YWHAQ: variants seen among roughly 807,000 people sequenced by gnomAD.
YWHAQ encodes 14-3-3 protein theta.
In YWHAQ, 6 loss-of-function variants were observed where a neutral mutation model predicts 28.3. The observed-to-expected ratio is 0.21, with a 90% CI of 0.12 to 0.42. The LOEUF (loss-of-function observed/expected upper bound fraction) is 0.42. YWHAQ is among the 10% of genes least tolerant of loss of function. YWHAQ has a pLI of 1.00. For missense variants in YWHAQ, 201 were observed against 305.6 expected, an observed-to-expected ratio of 0.66 and a Z score of 2.55; for synonymous variants, 143 against 119.1, an observed-to-expected ratio of 1.20 and a Z score of -1.31.
chr2:9,584,195 A>G lies in YWHAQ; in HGVS notation c.*1091T>C, dbSNP rs1173639281. ...TTTTACATAAAAGGGAAGTATCAAT[A>G]AACTTTAGAAAGTAGTAAATTCACC... On this transcript the variant is annotated 3_prime_UTR_variant, in exon 6 of 6. Transcript: ENST00000238081. 1 of 152,706 alleles carries G rather than the reference A, an allele frequency of 6.5e-6. No homozygotes were observed. Among genetic ancestry groups the G allele is most frequent in the African/African-American group, 2.4e-5 (1 of 41,474 alleles). The allele number at this position is 152,706 out of a possible 1,614,324, so 9.5% of individuals were successfully genotyped here.
intron 2 of YWHAQ, among the ~76,000 whole-genome samples, chr2:9,616,577 TAA>T (rs200343684): frequency 6.8e-6 from 1 of 146,060 alleles, no homozygotes; most frequent in Admixed American, 6.9e-5. Flanking sequence ...ATAATATATT[TAA>T]AAAAAAAAAA....
At chr2:9,604,041 TC>T (rs1666768975) in intron 2 of YWHAQ, among the ~76,000 whole-genome samples, 1 of 152,124 alleles carries the variant, frequency 6.6e-6, no homozygotes, top group African/African-American at 2.4e-5. Flanking sequence ...GCTGGACAAT[TC>T]CTTACACAGG....
rs1174759517 is a variant in YWHAQ at position 9,593,943 on chromosome 2, CTTTT to C, written c.295-2432_295-2429del. Among the ~76,000 whole-genome samples the C allele has an allele frequency of 5.5e-5, 8 of 145,614 alleles. No individual in the cohort carries two copies. The South Asian group carries it at 1.3e-3, about 24-fold the overall frequency. On this transcript the variant is annotated intron_variant, in intron 2 of 5. Transcript: ENST00000238081. ...ATATATACACACACACACACACACA[CTTTT>C]TTAAGGGCCTGAGGCCAGAGGAAGT...
At chr2:9,588,581 G>A (rs567054734) in intron 3 of YWHAQ, among the ~76,000 whole-genome samples, 1 of 152,174 alleles carries the variant, frequency 6.6e-6, no homozygotes, top group South Asian at 2.1e-4. Flanking sequence ...GACCAGTCTA[G>A]CCAACATGGC....
intron 2 of YWHAQ, among the ~76,000 whole-genome samples, chr2:9,597,576 G>A (rs1318548312): frequency 2.0e-5 from 3 of 146,756 alleles, no homozygotes; most frequent in African/African-American, 7.7e-5. Context: ...AAACTGAAAG[G>A]CAGAGGGTTG....
At chr2:9,629,023 G>A (rs895608388) in intron 2 of YWHAQ, 1 of 110,468 alleles carries the variant, frequency 9.1e-6, no homozygotes, top group South Asian at 3.1e-4. Flanking sequence ...CATATTCCCT[G>A]CCCCACCATT....
chr2:9,605,655 G>C (rs1440220631), intron 2 of YWHAQ, among the ~76,000 whole-genome samples: 1 of 151,854 alleles, frequency 6.6e-6, no homozygotes, highest in Non-Finnish European at 1.5e-5. Flanking sequence ...CTGCTTCCCG[G>C]GTTCAGGCAA....
intron 3 of YWHAQ, among the ~76,000 whole-genome samples, chr2:9,589,478 G>A (rs113642067): frequency 0.013 from 1,951 of 152,208 alleles, 41 homozygotes; most frequent in African/African-American, 0.042. Flanking sequence ...CAGCTACTTG[G>A]GAGGCTAGGC....
intron 2 of YWHAQ, among the ~76,000 whole-genome samples, chr2:9,596,149 AGAAAT>A (rs1035970324): frequency 1.1e-4 from 16 of 152,210 alleles, no homozygotes; most frequent in African/African-American, 3.6e-4. Context: ...GAATAATATA[AGAAAT>A]GAAACTGTTG....
chr2:9,607,707 TC>T (rs1159311884), intron 2 of YWHAQ, among the ~76,000 whole-genome samples: 7 of 139,372 alleles, frequency 5.0e-5, no homozygotes, highest in African/African-American at 2.0e-4. Flanking sequence ...ACTAAATTCT[TC>T]CTCTTTTTTT....
At chr2:9,594,168 G>C (rs927749495) in intron 2 of YWHAQ, among the ~76,000 whole-genome samples, 2 of 152,040 alleles carry the variant, frequency 1.3e-5, no homozygotes, top group African/African-American at 4.8e-5. Context: ...ACTGTGACAA[G>C]TGCTGCTCCA....
chr2:9,585,571 T>C (rs1354341022), intron 5 of YWHAQ, among the ~76,000 whole-genome samples: 1 of 152,062 alleles, frequency 6.6e-6, no homozygotes, highest in Non-Finnish European at 1.5e-5. Context: ...CATACATACA[T>C]ACATATACCA....
Position 9,616,574 on chromosome 2 carries a change from A to AT in YWHAQ, c.294+13584dup, listed in dbSNP as rs1667045370. ...GATAAAGGTCTAGTATCCATAATAT[A>AT]TTTAAAAAAAAAAAAGATTACAACC... is the stretch of plus-strand genomic sequence containing the variant. On this transcript the variant is annotated intron_variant, in intron 2 of 5. Transcript: ENST00000238081. 3.4e-5 allele frequency among the ~76,000 whole-genome samples: 5 copies of AT among 146,664 alleles called. No individual in the cohort carries two copies. In the South Asian group the frequency reaches 1.1e-3, roughly 31 times the overall value.
Position 9,630,321 on chromosome 2 carries a change from G to C in YWHAQ, c.132C>G (p.Leu44=), listed in dbSNP as rs1206553784. ...AELSNEERNL[L]SVAYKNVVGG... ...CGACCACGTTCTTGTAGGCCACGGAGAGCAGGTTGCGCTCCTCGTTGGACA... is the reference window on the plus strand; with the variant it reads ...CGACCACGTTCTTGTAGGCCACGGACAGCAGGTTGCGCTCCTCGTTGGACA... The change falls in exon 2 of 6, where the codon CTC becomes CTG. Residue 44 remains leucine (L), a synonymous_variant. Coordinates refer to ENST00000238081, the MANE Select transcript of YWHAQ (RefSeq NM_006826.4). This position sits in a 1 kb window ranked among gnomAD's most constrained non-coding sequence, Gnocchi z 5.6. 1.2e-6 allele frequency: 2 copies of C among 1,614,176 alleles called. No individual in the cohort carries two copies. Among genetic ancestry groups the C allele is most frequent in the Non-Finnish European group, 1.7e-6 (2 of 1,180,044 alleles).
chr2:9,595,698 CAAAAAAAAAA>C (rs34902007), intron 2 of YWHAQ, among the ~76,000 whole-genome samples: 1 of 75,448 alleles, frequency 1.3e-5, no homozygotes, highest in East Asian at 6.0e-4. Context: ...AATTCCATCT[CAAAAAAAAAA>C]AAAAAAAAAA....
intron 2 of YWHAQ, among the ~76,000 whole-genome samples, chr2:9,626,798 G>C (rs1039511475): frequency 6.6e-6 from 1 of 152,130 alleles, no homozygotes; most frequent in African/African-American, 2.4e-5. Flanking sequence ...AATGACTTCT[G>C]CCTCACTTCT....
chr2:9,593,093 G>C (rs1666490258), intron 2 of YWHAQ, among the ~76,000 whole-genome samples: 1 of 152,194 alleles, frequency 6.6e-6, no homozygotes, highest in Non-Finnish European at 1.5e-5. Flanking sequence ...GAATTAACAA[G>C]TAAGGTTGAG....
chr2:9,628,085 C>T (rs1178134004), intron 2 of YWHAQ, among the ~76,000 whole-genome samples: 3 of 152,198 alleles, frequency 2.0e-5, no homozygotes, highest in Non-Finnish European at 4.4e-5. Context: ...TGTTCCTCCC[C>T]ATATTGCTCA....
chr2:9,588,023 G>T, intron 4 of YWHAQ, 142 bp downstream of exon 4: 3 of 1,047,950 alleles, frequency 2.9e-6, no homozygotes, highest in Non-Finnish European at 4.0e-6. Flanking sequence ...AGGTAATCAT[G>T]ATGGGAAGAA....
Sources: gnomAD v4.1 joint callset for allele counts (sites outside exome capture counted in the v4.1 genomes callset) on GRCh38, gnomAD v4.1.1 for gene constraint, Gnocchi (gnomAD v3.1) non-coding constraint, MANE v1.5 for transcripts, NCBI Gene and HGNC (gene_info 2026-07-23, HGNC 2026-07-21) for gene names.